Variants in EFCAB11 observed in about 807,000 individuals in gnomAD.
EFCAB11 encodes the protein EF-hand calcium-binding domain-containing protein 11.
In EFCAB11, 14 loss-of-function variants were observed where a neutral mutation model predicts 23.0. The ratio of observed to expected loss-of-function variants is 0.61; its 90% CI spans 0.40 to 0.95. The LOEUF is 0.95. EFCAB11 is among the 40% of genes least tolerant of loss of function. The pLI, the probability that EFCAB11 is intolerant of heterozygous loss-of-function variation, is 0.00. For synonymous variants in EFCAB11, 65 were observed against 66.6 expected, an observed-to-expected ratio of 0.98 and a Z score of 0.11; for missense variants, 198 against 195.8, an observed-to-expected ratio of 1.01 and a Z score of -0.07.
intron 5 of EFCAB11, among the ~76,000 whole-genome samples, chr14:89,891,967 T>G (rs1195740595): frequency 6.6e-6 from 1 of 152,100 alleles, no homozygotes; most frequent in Non-Finnish European, 1.5e-5. Context: ...AGCTGCGGGC[T>G]GGGCCGCGGG....
chr14:89,819,053 C>G (rs577938254), intron 5 of EFCAB11, among the ~76,000 whole-genome samples: 14 of 152,168 alleles, frequency 9.2e-5, no homozygotes, highest in African/African-American at 3.4e-4. Flanking sequence ...AAGCACATAT[C>G]CATTCAGACT....
intron 5 of EFCAB11, chr14:89,892,355 G>A: frequency 6.2e-7 from 1 of 1,613,404 alleles, no homozygotes; most frequent in Non-Finnish European, 8.5e-7. Context: ...CAAGCTAGAA[G>A]AGGGCTTGGG....
At chr14:89,948,871 T>C (rs1596472135) in intron 3 of EFCAB11, among the ~76,000 whole-genome samples, 1 of 149,464 alleles carries the variant, frequency 6.7e-6, no homozygotes, top group South Asian at 2.1e-4. Flanking sequence ...TTATGGATGG[T>C]TAATGGATAC....
chr14:89,835,291 G>A (rs1203569125), intron 5 of EFCAB11, among the ~76,000 whole-genome samples: 1 of 152,198 alleles, frequency 6.6e-6, no homozygotes, highest in Non-Finnish European at 1.5e-5. Context: ...GGAACCAGAA[G>A]AGTTTCAGAT....
Position 89,932,532 on chromosome 14 carries a change from T to G in EFCAB11, c.313A>C (p.Thr105Pro). The change falls in exon 4 of 6, where the codon ACC becomes CCC. Residue 105 changes from threonine (T) to proline (P), a missense_variant. Coordinates refer to ENST00000316738, the MANE Select transcript of EFCAB11 (RefSeq NM_145231.4). ...ACACTTTAGAGACACTTACAGTAGGTGTCAAAGGCTGTGAAGATGTGTCTT... is the reference window on the plus strand; with the variant it reads ...ACACTTTAGAGACACTTACAGTAGGGGTCAAAGGCTGTGAAGATGTGTCTT... ...EVRHIFTAFD[T>P]YYRGFLTLED... The G allele has an allele frequency of 6.2e-7, 1 of 1,613,226 alleles. No homozygotes were observed. Among genetic ancestry groups the G allele is most frequent in the Non-Finnish European group, 8.5e-7 (1 of 1,179,520 alleles).
chr14:89,914,381 T>G (rs1243406226), intron 5 of EFCAB11, among the ~76,000 whole-genome samples: 1 of 152,200 alleles, frequency 6.6e-6, no homozygotes, highest in Non-Finnish European at 1.5e-5. Context: ...AATCAGCACA[T>G]CCGTTATCTC....
intron 5 of EFCAB11, among the ~76,000 whole-genome samples, chr14:89,807,420 G>A (rs1433934761): frequency 6.6e-6 from 1 of 152,164 alleles, no homozygotes; most frequent in Non-Finnish European, 1.5e-5. Context: ...ACTTTCAAGT[G>A]TAATGTAGGA....
chr14:89,899,286 G>C (rs183231991), intron 5 of EFCAB11, among the ~76,000 whole-genome samples: 14 of 152,250 alleles, frequency 9.2e-5, no homozygotes, highest in Non-Finnish European at 2.9e-5. Context: ...GTAAATCTTA[G>C]AGAAATATTC....
At chr14:89,818,608 G>A (rs1436385323) in intron 5 of EFCAB11, among the ~76,000 whole-genome samples, 1 of 152,136 alleles carries the variant, frequency 6.6e-6, no homozygotes, top group East Asian at 1.9e-4. Flanking sequence ...GAACAGACAA[G>A]CTACAGCCTA....
chr14:89,835,218 G>C (rs779542492), intron 5 of EFCAB11, among the ~76,000 whole-genome samples: 62 of 152,208 alleles, frequency 4.1e-4, no homozygotes, highest in Non-Finnish European at 6.9e-4. Flanking sequence ...AGGATGCCCG[G>C]AGGCAGAGGC....
chr14:89,937,867 A>T (rs1337799026), intron 3 of EFCAB11: 1 of 152,162 alleles, frequency 6.6e-6, no homozygotes, highest in Non-Finnish European at 1.5e-5. Flanking sequence ...TAATACATGT[A>T]TATATATCTA....
At chr14:89,882,738 T>C (rs1294924387) in intron 5 of EFCAB11, among the ~76,000 whole-genome samples, 3 of 152,176 alleles carry the variant, frequency 2.0e-5, no homozygotes, top group East Asian at 1.9e-4. Flanking sequence ...ACATATAATA[T>C]ACAATTTAAA....
intron 5 of EFCAB11, among the ~76,000 whole-genome samples, chr14:89,852,530 G>A (rs912226831): frequency 6.6e-6 from 1 of 152,162 alleles, no homozygotes; most frequent in Non-Finnish European, 1.5e-5. Flanking sequence ...CTCCATCTGT[G>A]AGTCTGTTCC....
In EFCAB11 at chr14:89,895,219, T is replaced by A. The variant is rs576431958; in HGVS notation, c.410+36322A>T. Among the ~76,000 whole-genome samples the A allele has an allele frequency of 2.1e-3, 316 of 152,304 alleles. 1 individual carries two copies. Among genetic ancestry groups the A allele is most frequent in the African/African-American group, 7.2e-3 (300 of 41,546 alleles). ...GCAGTGTGATGGTTCAGAAAAAGAA[T>A]TTTCTGAAATATCCAATGAAAAATA... On this transcript the variant is annotated intron_variant, in intron 5 of 5. Transcript: ENST00000316738.
chr14:89,876,013 A>C (rs996194380), intron 5 of EFCAB11, among the ~76,000 whole-genome samples: 1 of 152,190 alleles, frequency 6.6e-6, no homozygotes, highest in African/African-American at 2.4e-5. Context: ...AAAAGGGTTC[A>C]AAGACTGAAG....
intron 5 of EFCAB11, chr14:89,892,365 G>T (rs1311541642): frequency 6.2e-7 from 1 of 1,611,614 alleles, no homozygotes; most frequent in Non-Finnish European, 8.5e-7. Context: ...GAGGGCTTGG[G>T]GGGTGTCCGG....
intron 3 of EFCAB11, among the ~76,000 whole-genome samples, chr14:89,948,340 T>C (rs1053057927): frequency 6.6e-6 from 1 of 152,160 alleles, no homozygotes; most frequent in African/African-American, 2.4e-5. Context: ...TAACAAACGC[T>C]GGCAAGGATA....
intron 5 of EFCAB11, among the ~76,000 whole-genome samples, chr14:89,804,590 AC>A (rs1480878961): frequency 1.3e-5 from 2 of 152,186 alleles, no homozygotes; most frequent in African/African-American, 2.4e-5. Flanking sequence ...TTCAAGAAGA[AC>A]CCAGGTTAAG....
At chr14:89,935,145 G>T (rs7145027) in intron 3 of EFCAB11, among the ~76,000 whole-genome samples, 9,553 of 152,024 alleles carry the variant, frequency 0.063, 965 homozygotes, top group African/African-American at 0.22. Flanking sequence ...TCTGTGACCC[G>T]ACGGCCCTTT....
Sources: allele counts gnomAD v4.1 joint callset (sites outside exome capture counted in the v4.1 genomes callset), GRCh38; gene constraint gnomAD v4.1.1; transcripts MANE v1.5; gene names NCBI Gene and HGNC (gene_info 2026-07-23, HGNC 2026-07-21).